ARHGAP39: variants seen among roughly 807,000 people sequenced by gnomAD.
ARHGAP39 encodes the protein Rho GTPase activating protein 39.
A neutral mutation model predicts 106.9 loss-of-function variants in ARHGAP39; 44 were observed. The observed-to-expected ratio is 0.41, with a 90% CI of 0.32 to 0.53. The LOEUF (loss-of-function observed/expected upper bound fraction) is 0.53, where lower values mean the gene tolerates loss of function less well. Ranked by LOEUF, ARHGAP39 falls within the 20% of genes least tolerant of loss-of-function variation. ARHGAP39 has a pLI of 0.21. For missense variants in ARHGAP39, 1,496 were observed against 1,577.3 expected, an observed-to-expected ratio of 0.95 and a Z score of 0.87; for synonymous variants, 768 against 693.2, an observed-to-expected ratio of 1.11 and a Z score of -1.69.
intron 3 of ARHGAP39, among the ~76,000 whole-genome samples, chr8:144,568,576 C>A (rs1336702648): frequency 6.6e-6 from 1 of 152,064 alleles, no homozygotes; most frequent in Non-Finnish European, 1.5e-5. Flanking sequence ...TAAATGATAA[C>A]TGACTGTTTA....
chr8:144,681,201 C>T (rs900759212), intron 1 of ARHGAP39, among the ~76,000 whole-genome samples: 1 of 152,192 alleles, frequency 6.6e-6, no homozygotes, highest in African/African-American at 2.4e-5. Flanking sequence ...ATGAAAGACA[C>T]AACGAGGCAA....
Position 144,580,925 on chromosome 8 carries a change from C to T in ARHGAP39, c.433G>A (p.Asp145Asn). The T allele has an allele frequency of 6.2e-7, 1 of 1,605,346 alleles. No homozygotes were observed. Among genetic ancestry groups the T allele is most frequent in the Non-Finnish European group, 8.5e-7 (1 of 1,178,302 alleles). Residue 145 changes from aspartate to asparagine, a missense_variant, in exon 3 of 12, where the codon GAC becomes AAC. Physicochemically the swap from Asp to Asn is conservative, Grantham distance 23. Coordinates refer to ENST00000377307, the MANE Select transcript of ARHGAP39 (RefSeq NM_025251.3). ...GGCAACTCCTGCGCTTTCTCAGTGT[C>T]GGGCTCGGGCTCCAGGGAGGAGCTG... ...STSSSLEPEP[D>N]TEKAQELPAR...
At chr8:144,582,871 G>A (rs943849161) in intron 2 of ARHGAP39, among the ~76,000 whole-genome samples, 2 of 152,190 alleles carry the variant, frequency 1.3e-5, no homozygotes, top group South Asian at 2.1e-4. Flanking sequence ...CGTCATCCCC[G>A]TGGGAAGGCG....
chr8:144,698,014 G>A, the ARHGAP39 span, among the ~76,000 whole-genome samples: 13 of 152,086 alleles, frequency 8.5e-5, no homozygotes, highest in Admixed American at 3.3e-4. Flanking sequence ...GTTAAGCTTC[G>A]CTATGGTTTG....
At chr8:144,657,315 C>T (rs1821721786) in intron 1 of ARHGAP39, among the ~76,000 whole-genome samples, 1 of 152,054 alleles carries the variant, frequency 6.6e-6, no homozygotes, top group South Asian at 2.1e-4. Flanking sequence ...AAAAAATTAG[C>T]TGGGCATGGT....
intron 7 of ARHGAP39, among the ~76,000 whole-genome samples, chr8:144,536,700 C>T (rs778242947): frequency 4.6e-5 from 7 of 152,168 alleles, no homozygotes; most frequent in Non-Finnish European, 1.0e-4. Flanking sequence ...CTGCTGGTGG[C>T]AGCCTCGGAG....
At chr8:144,621,987 G>A (rs1820818852) in intron 1 of ARHGAP39, among the ~76,000 whole-genome samples, 1 of 152,228 alleles carries the variant, frequency 6.6e-6, no homozygotes, top group African/African-American at 2.4e-5. Context: ...AATGCACAAT[G>A]TTAAGGGTGA....
chr8:144,537,863 C>G, intron 6 of ARHGAP39, 50 bp from the exon 7 acceptor site: 7 of 1,552,590 alleles, frequency 4.5e-6, no homozygotes, highest in Non-Finnish European at 6.2e-6. Context: ...CGCCAGGAGC[C>G]AGCGCCCACT....
At chr8:144,697,749 C>T in the ARHGAP39 span, among the ~76,000 whole-genome samples, 2 of 152,136 alleles carry the variant, frequency 1.3e-5, no homozygotes, top group African/African-American at 4.8e-5. Context: ...GCCTCGGCCT[C>T]CCAATGTGCT....
intron 1 of ARHGAP39, among the ~76,000 whole-genome samples, chr8:144,629,816 G>C (rs1821017773): frequency 6.6e-6 from 1 of 152,150 alleles, no homozygotes; most frequent in Non-Finnish European, 1.5e-5. Context: ...AGCTGCAATA[G>C]TGTTGGTGTG....
intron 2 of ARHGAP39, among the ~76,000 whole-genome samples, chr8:144,589,681 G>A (rs963005103): frequency 2.4e-4 from 37 of 152,346 alleles, no homozygotes; most frequent in Admixed American, 2.1e-3. Context: ...GGCAAACGCC[G>A]CCATCGTACT....
chr8:144,531,250 CG>C (rs1816710082), intron 10 of ARHGAP39, among the ~76,000 whole-genome samples: 1 of 64,782 alleles, frequency 1.5e-5, no homozygotes, highest in African/African-American at 6.0e-5. Flanking sequence ...CACAGGGCAG[CG>C]AGCAGCAGGT....
At chr8:144,582,815 G>C (rs1243178916) in intron 2 of ARHGAP39, among the ~76,000 whole-genome samples, 3 of 152,196 alleles carry the variant, frequency 2.0e-5, no homozygotes, top group African/African-American at 4.8e-5. Context: ...AGGGCTGCAG[G>C]GGAAGGCAGA....
At position 144,552,387 on chromosome 8, in the gene ARHGAP39, C is replaced by T. The variant is rs558233481; in HGVS notation, c.596+3173G>A. On this transcript the variant is annotated intron_variant, in intron 4 of 11. Coordinates refer to ENST00000377307, the MANE Select transcript of ARHGAP39 (RefSeq NM_025251.3). ...GGACGGAGCTGGGAGAAGCGCGCGG[C>T]GGCAGCAGCCGACAGGCTCCCAACC... Among the ~76,000 whole-genome samples the T allele has an allele frequency of 7.9e-4, 121 of 152,366 alleles. 1 individual carries two copies. The highest frequency in any genetic ancestry group is 1.9e-3 in the African/African-American group (77 of 41,588).
At chr8:144,589,547 G>A (rs1253221625) in intron 2 of ARHGAP39, among the ~76,000 whole-genome samples, 1 of 152,208 alleles carries the variant, frequency 6.6e-6, no homozygotes, top group African/African-American at 2.4e-5. Flanking sequence ...CAAAACACAG[G>A]AGACCTCTCC....
At chr8:144,565,878 G>A (rs1395311125) in intron 3 of ARHGAP39, among the ~76,000 whole-genome samples, 1 of 148,412 alleles carries the variant, frequency 6.7e-6, no homozygotes, top group Non-Finnish European at 1.5e-5. Flanking sequence ...GATCGCTTGA[G>A]CCCAGGAGTT....
At chr8:144,537,931 G>A (rs1290406039) in intron 6 of ARHGAP39, 118 bp from the exon 7 acceptor site, 4 of 839,206 alleles carry the variant, frequency 4.8e-6, no homozygotes, top group Non-Finnish European at 7.7e-6. Flanking sequence ...CTCACCCTGT[G>A]CAGCTGGGGG....
At position 144,647,876 on chromosome 8, in the gene ARHGAP39, A is replaced by G. The variant is rs1821484952; in HGVS notation, c.-82+37810T>C. Among the ~76,000 whole-genome samples, 1 of 152,264 alleles carries G rather than the reference A, an allele frequency of 6.6e-6. No individual in the cohort carries two copies. Among genetic ancestry groups the G allele is most frequent in the African/African-American group, 2.4e-5 (1 of 41,484 alleles). Reference sequence around the variant, plus strand: ...CAAGTACTGTACATAAAATAAGTCCATATCCAGACTCATTGCCCTGAAGGA... The same window carrying G: ...CAAGTACTGTACATAAAATAAGTCCGTATCCAGACTCATTGCCCTGAAGGA... On this transcript the variant is annotated intron_variant, in intron 1 of 11. Coordinates refer to ENST00000377307, the MANE Select transcript of ARHGAP39 (RefSeq NM_025251.3). This position sits in a 1 kb window ranked among gnomAD's most constrained non-coding sequence, Gnocchi z 4.8.
At chr8:144,550,452 A>C (rs1159060982) in intron 4 of ARHGAP39, among the ~76,000 whole-genome samples, 1 of 152,202 alleles carries the variant, frequency 6.6e-6, no homozygotes, top group African/African-American at 2.4e-5. Context: ...ACAACAACAA[A>C]AAAAGTAGAA....
Sources: allele counts gnomAD v4.1 joint callset (sites outside exome capture counted in the v4.1 genomes callset), GRCh38; gene constraint gnomAD v4.1.1; non-coding constraint Gnocchi (gnomAD v3.1); transcripts MANE v1.5; gene names NCBI Gene and HGNC (gene_info 2026-07-23, HGNC 2026-07-21).